Variants in LYPD6B observed in about 807,000 individuals in gnomAD.
The protein encoded by LYPD6B is LY6/PLAUR domain containing 6B.
Under a neutral mutation model 22.8 loss-of-function variants are expected in LYPD6B, and 17 were observed. The ratio of observed to expected loss-of-function variants is 0.75; its 90% CI spans 0.51 to 1.12. The LOEUF (loss-of-function observed/expected upper bound fraction) is 1.12. Among genes scored for constraint, LYPD6B ranks in the 50% most tolerant of loss-of-function variants. The probability of loss-of-function intolerance (pLI) is 0.00; values close to 1 mark genes in which losing one functional copy is unlikely to be tolerated. For missense variants in LYPD6B, 221 were observed against 258.3 expected (o/e 0.86, Z 0.99); for synonymous variants, 106 against 91.6 (o/e 1.16, Z -0.90).
chr2:149,143,002 TTC>T (rs2105780271), intron 2 of LYPD6B, among the ~76,000 whole-genome samples: 1 of 152,326 alleles, frequency 6.6e-6, no homozygotes, highest in South Asian at 2.1e-4. Flanking sequence ...CACACTCAGT[TTC>T]TGCTATTATT....
At chr2:149,075,843 A>C (rs1684855975) in intron 1 of LYPD6B, among the ~76,000 whole-genome samples, 1 of 152,262 alleles carries the variant, frequency 6.6e-6, no homozygotes, top group Non-Finnish European at 1.5e-5. Flanking sequence ...AATCCATATA[A>C]TTTTAAAAAC....
chr2:149,049,127 T>G (rs10201643), intron 1 of LYPD6B, among the ~76,000 whole-genome samples: 76,341 of 152,020 alleles, frequency 0.5, 21,510 homozygotes, highest in Non-Finnish European at 0.62. Flanking sequence ...CCCTATAGAA[T>G]CAGTTCTCTC....
intron 2 of LYPD6B, among the ~76,000 whole-genome samples, chr2:149,139,287 G>A (rs1688547210): frequency 1.3e-5 from 2 of 152,146 alleles, no homozygotes; most frequent in African/African-American, 4.8e-5. Flanking sequence ...TAGAAAGGGG[G>A]CAGCTCATAT....
intron 1 of LYPD6B, among the ~76,000 whole-genome samples, chr2:149,089,966 G>GATCTTACC (rs1431615467): frequency 6.6e-6 from 1 of 152,184 alleles, no homozygotes; most frequent in Non-Finnish European, 1.5e-5. Flanking sequence ...TCTGTGCTCA[G>GATCTTACC]ATCTTACCTC....
chr2:149,113,224 T>C (rs1686845244), intron 1 of LYPD6B, among the ~76,000 whole-genome samples: 1 of 152,146 alleles, frequency 6.6e-6, no homozygotes, highest in South Asian at 2.1e-4. Context: ...TCTATTGTCT[T>C]TGTGTCATTA....
chr2:149,102,787 A>G (rs1249142167), intron 1 of LYPD6B, among the ~76,000 whole-genome samples: 3 of 151,946 alleles, frequency 2.0e-5, no homozygotes, highest in Non-Finnish European at 4.4e-5. Flanking sequence ...CCGCCACCAT[A>G]CCTGGCTTAT....
At chr2:149,124,253 T>C (rs1218413583) in intron 1 of LYPD6B, among the ~76,000 whole-genome samples, 7 of 152,206 alleles carry the variant, frequency 4.6e-5, no homozygotes, top group African/African-American at 1.7e-4. Flanking sequence ...TGCCAATATA[T>C]AGTCCTTTCT....
intron 2 of LYPD6B, among the ~76,000 whole-genome samples, chr2:149,137,843 A>T (rs966516137): frequency 6.6e-5 from 10 of 152,206 alleles, no homozygotes; most frequent in African/African-American, 2.4e-4. Context: ...GGTCAAAGGA[A>T]TACATATTTT....
At chr2:149,171,526 T>A (rs1025494660) in intron 3 of LYPD6B, among the ~76,000 whole-genome samples, 2 of 129,888 alleles carry the variant, frequency 1.5e-5, no homozygotes, top group Admixed American at 1.6e-4. Flanking sequence ...TTTTGAAGTC[T>A]GATTTTTTTT....
intron 1 of LYPD6B, among the ~76,000 whole-genome samples, chr2:149,071,521 C>T (rs1166656559): frequency 1.3e-5 from 2 of 152,252 alleles, no homozygotes; most frequent in Admixed American, 1.3e-4. Flanking sequence ...AGATCTTTGC[C>T]TTCAGTTTGC....
chr2:149,173,349 CTT>C (rs67113716), intron 3 of LYPD6B, among the ~76,000 whole-genome samples: 650 of 58,488 alleles, frequency 0.011, 27 homozygotes, highest in East Asian at 0.11. Flanking sequence ...TCTGTCAGGC[CTT>C]TTTTTTTTTT....
chr2:149,187,582 A>G, intron 3 of LYPD6B: 2 of 1,381,572 alleles, frequency 1.4e-6, no homozygotes, highest in Non-Finnish European at 1.9e-6. Flanking sequence ...GACACATTGT[A>G]GGTGCCCCGT....
chr2:149,190,399 A>C (rs1692415030), intron 3 of LYPD6B, among the ~76,000 whole-genome samples: 1 of 152,222 alleles, frequency 6.6e-6, no homozygotes, highest in Non-Finnish European at 1.5e-5. Flanking sequence ...CCAATGTATC[A>C]TTGTACATGT....
chr2:149,142,634 C>A (rs1688762554), intron 2 of LYPD6B, among the ~76,000 whole-genome samples: 1 of 152,060 alleles, frequency 6.6e-6, no homozygotes, highest in Non-Finnish European at 1.5e-5. Context: ...ACCTCTCCCC[C>A]CATAGACAAC....
At chr2:149,188,016 A>T (rs1692235367) in intron 3 of LYPD6B, among the ~76,000 whole-genome samples, 1 of 152,212 alleles carries the variant, frequency 6.6e-6, no homozygotes, top group Non-Finnish European at 1.5e-5. Flanking sequence ...AGTTATTCTC[A>T]TTTCCCATCA....
chr2:149,149,101 C>G (rs547761804), intron 2 of LYPD6B, among the ~76,000 whole-genome samples: 1 of 152,246 alleles, frequency 6.6e-6, no homozygotes, highest in South Asian at 2.1e-4. Flanking sequence ...GGAGGAAGAA[C>G]ATTCCAGGCA....
intron 1 of LYPD6B, among the ~76,000 whole-genome samples, chr2:149,100,226 CCTT>C (rs1686126126): frequency 6.6e-6 from 1 of 151,878 alleles, no homozygotes. Flanking sequence ...ACCCCAGAAT[CCTT>C]CTTAACTCAG....
intron 1 of LYPD6B, among the ~76,000 whole-genome samples, chr2:149,083,001 A>G (rs1406051617): frequency 6.6e-6 from 1 of 152,190 alleles, no homozygotes; most frequent in African/African-American, 2.4e-5. Flanking sequence ...TGATGCCAGC[A>G]TGGAGAGCAG....
chr2:149,209,269 TG>T (rs1559081104), intron 5 of LYPD6B, among the ~76,000 whole-genome samples: 2 of 152,050 alleles, frequency 1.3e-5, no homozygotes, highest in African/African-American at 4.8e-5. Context: ...AATGGAGGGT[TG>T]GGGACAAGAG....
Sources: allele counts gnomAD v4.1 joint callset (sites outside exome capture counted in the v4.1 genomes callset), GRCh38; gene constraint gnomAD v4.1.1; transcripts MANE v1.5; gene names NCBI Gene and HGNC (gene_info 2026-07-23, HGNC 2026-07-21).